Variants in DCC observed in about 807,000 individuals in gnomAD.
DCC encodes DCC netrin 1 receptor.
DCC carries 58 observed loss-of-function variants against 172.5 expected under a neutral mutation model. The observed-to-expected ratio is 0.34, with a 90% CI of 0.27 to 0.42. The LOEUF is 0.42. Ranked by LOEUF, DCC falls within the 10% of genes least tolerant of loss-of-function variation. The pLI, the probability that DCC is intolerant of heterozygous loss-of-function variation, is 1.00. For synonymous variants in DCC, 709 were observed against 644.5 expected, an observed-to-expected ratio of 1.10 and a Z score of -1.52; for missense variants, 1,740 against 1,791.0, an observed-to-expected ratio of 0.97 and a Z score of 0.51.
intron 1 of DCC, among the ~76,000 whole-genome samples, chr18:52,350,342 T>C (rs112649005): frequency 0.094 from 14,357 of 152,296 alleles, 834 homozygotes; most frequent in Middle Eastern, 0.17. Flanking sequence ...ATTACATTTA[T>C]TGATTTGCGT....
chr18:52,586,962 C>G (rs2033688356), intron 1 of DCC, among the ~76,000 whole-genome samples: 1 of 152,110 alleles, frequency 6.6e-6, no homozygotes. Context: ...TGGTCAGAGG[C>G]AATGCTGTAT....
intron 12 of DCC, among the ~76,000 whole-genome samples, chr18:53,275,501 T>A (rs2144716190): frequency 6.6e-6 from 1 of 152,254 alleles, no homozygotes; most frequent in Admixed American, 6.5e-5. Context: ...GGTAGTCCTT[T>A]CACTCAACAT....
chr18:53,292,811 G>C (rs983939365), intron 12 of DCC, among the ~76,000 whole-genome samples: 1 of 152,204 alleles, frequency 6.6e-6, no homozygotes, highest in African/African-American at 2.4e-5. Flanking sequence ...ATCAGATTAA[G>C]TATTTATGAA....
intron 27 of DCC, among the ~76,000 whole-genome samples, chr18:53,509,932 A>G (rs2046230110): frequency 6.6e-6 from 1 of 152,252 alleles, no homozygotes; most frequent in African/African-American, 2.4e-5. Context: ...ATTCATTTTC[A>G]TAGAAACACC....
intron 1 of DCC, among the ~76,000 whole-genome samples, chr18:52,613,066 C>T (rs933208490): frequency 6.6e-6 from 1 of 152,188 alleles, no homozygotes; most frequent in African/African-American, 2.4e-5. Flanking sequence ...GGATGGACAT[C>T]ATGCTGGCTG....
At chr18:52,640,510 A>C (rs1436887873) in intron 1 of DCC, among the ~76,000 whole-genome samples, 1 of 152,222 alleles carries the variant, frequency 6.6e-6, no homozygotes, top group African/African-American at 2.4e-5. Context: ...AATTCAGCAA[A>C]GTTTCCAGAT....
At chr18:52,813,361 G>C (rs1255558660) in intron 2 of DCC, among the ~76,000 whole-genome samples, 2 of 149,804 alleles carry the variant, frequency 1.3e-5, no homozygotes, top group Non-Finnish European at 3.0e-5. Context: ...AGGGCAAAAA[G>C]ATGGTAGTTT....
chr18:53,103,002 G>C (rs982581637), intron 7 of DCC, among the ~76,000 whole-genome samples: 1 of 152,034 alleles, frequency 6.6e-6, no homozygotes, highest in Non-Finnish European at 1.5e-5. Context: ...AATGCTTAGG[G>C]TTAGTTGCTA....
intron 5 of DCC, among the ~76,000 whole-genome samples, chr18:52,992,377 C>T (rs934781290): frequency 3.3e-5 from 5 of 152,146 alleles, no homozygotes; most frequent in African/African-American, 9.7e-5. Flanking sequence ...TTTGTCTCAT[C>T]CTCTAGAAGT....
intron 14 of DCC, among the ~76,000 whole-genome samples, chr18:53,335,813 G>A (rs990457547): frequency 6.6e-6 from 1 of 152,094 alleles, no homozygotes; most frequent in African/African-American, 2.4e-5. Context: ...ACATAGCTGG[G>A]GAGGTCTCAC....
chr18:52,517,630 G>A (rs2031682880), intron 1 of DCC, among the ~76,000 whole-genome samples: 1 of 152,146 alleles, frequency 6.6e-6, no homozygotes, highest in South Asian at 2.1e-4. Context: ...AGATGGAAAA[G>A]TGCATATGTC....
At chr18:52,472,320 C>T (rs1225952674) in intron 1 of DCC, among the ~76,000 whole-genome samples, 1 of 152,100 alleles carries the variant, frequency 6.6e-6, no homozygotes, top group Non-Finnish European at 1.5e-5. Context: ...TCAGGCCCAC[C>T]ATCTGTGTTC....
intron 16 of DCC, among the ~76,000 whole-genome samples, chr18:53,387,143 G>T (rs1388308622): frequency 1.3e-5 from 2 of 152,110 alleles, no homozygotes; most frequent in Non-Finnish European, 2.9e-5. Flanking sequence ...TGGAAGAAAT[G>T]GTTATAAAAT....
At chr18:52,810,611 A>G (rs1346724663) in intron 2 of DCC, among the ~76,000 whole-genome samples, 1 of 152,100 alleles carries the variant, frequency 6.6e-6, no homozygotes, top group Non-Finnish European at 1.5e-5. Context: ...GAGGTCTTTT[A>G]TGGACTCAAT....
At chr18:53,490,337 T>C (rs186330481) in intron 26 of DCC, among the ~76,000 whole-genome samples, 176 of 152,338 alleles carry the variant, frequency 1.2e-3, no homozygotes, top group Non-Finnish European at 2.0e-3. Context: ...CAGTCTTTGC[T>C]TAGAGTTATT....
intron 1 of DCC, among the ~76,000 whole-genome samples, chr18:52,355,500 T>C (rs1328044605): frequency 1.3e-5 from 2 of 152,230 alleles, no homozygotes; most frequent in Non-Finnish European, 2.9e-5. Flanking sequence ...GCTGAATGGA[T>C]GACATTTTTG....
At chr18:52,808,762 G>A (rs1002225) in intron 2 of DCC, among the ~76,000 whole-genome samples, 6,782 of 152,184 alleles carry the variant, frequency 0.045, 247 homozygotes, top group South Asian at 0.17. Flanking sequence ...AAATAAGGGT[G>A]TCCTTAAGTT....
In DCC at chr18:52,831,074, A is replaced by T. The variant is rs2038606096; in HGVS notation, c.413-74970A>T. Reference sequence around the variant, plus strand: ...AAAATGAGATTTAAATAAGACCTTAAGGAGGTCAGAAAGTTATCCACGGAG... The same window carrying T: ...AAAATGAGATTTAAATAAGACCTTATGGAGGTCAGAAAGTTATCCACGGAG... On this transcript the variant is annotated intron_variant, in intron 2 of 28. Transcript: ENST00000442544. 3.3e-5 allele frequency among the ~76,000 whole-genome samples: 5 copies of T among 152,144 alleles called. No individual in the cohort carries two copies. In the South Asian group the frequency reaches 1.0e-3, roughly 31 times the overall value.
At chr18:53,340,833 G>T (rs1209932474) in intron 15 of DCC, among the ~76,000 whole-genome samples, 1 of 152,158 alleles carries the variant, frequency 6.6e-6, no homozygotes, top group African/African-American at 2.4e-5. Context: ...CAGGCAGGGT[G>T]TAGGGGGTGG....
Sources: allele counts gnomAD v4.1 joint callset (sites outside exome capture counted in the v4.1 genomes callset), GRCh38; gene constraint gnomAD v4.1.1; transcripts MANE v1.5; gene names NCBI Gene and HGNC (gene_info 2026-07-23, HGNC 2026-07-21).